Variants in RNF111 observed in about 807,000 individuals in gnomAD.
RNF111 encodes ring finger protein 111.
A neutral mutation model predicts 95.1 loss-of-function variants in RNF111; 17 were observed. The ratio of observed to expected loss-of-function variants is 0.18; its 90% CI spans 0.12 to 0.27. The LOEUF (loss-of-function observed/expected upper bound fraction) is 0.27, where lower values mean the gene tolerates loss of function less well. RNF111 is among the 10% of genes least tolerant of loss of function. The probability of loss-of-function intolerance (pLI) is 1.00; values close to 1 mark genes in which losing one functional copy is unlikely to be tolerated. For synonymous variants in RNF111, 440 were observed against 414.8 expected, an observed-to-expected ratio of 1.06 and a Z score of -0.74; for missense variants, 1,189 against 1,210.4, an observed-to-expected ratio of 0.98 and a Z score of 0.26.
chr15:58,998,066 G>C (rs1288533294), intron 1 of RNF111, among the ~76,000 whole-genome samples: 1 of 151,286 alleles, frequency 6.6e-6, no homozygotes, highest in African/African-American at 2.4e-5. Flanking sequence ...CACCACACCC[G>C]GCTAATTTTT....
chr15:59,084,343 A>C, intron 9 of RNF111, 89 bp downstream of exon 9: 3 of 1,285,238 alleles, frequency 2.3e-6, no homozygotes, highest in Non-Finnish European at 2.1e-6. Flanking sequence ...TGCTTTGCAG[A>C]AGGATGATGT....
chr15:59,034,086 A>T (rs1488478894), intron 2 of RNF111, among the ~76,000 whole-genome samples: 8 of 152,218 alleles, frequency 5.3e-5, no homozygotes, highest in African/African-American at 1.9e-4. Flanking sequence ...GTAGTTTCTT[A>T]TCTCCTTCAG....
intron 6 of RNF111, among the ~76,000 whole-genome samples, chr15:59,074,276 T>A (rs912875321): frequency 1.3e-5 from 2 of 152,214 alleles, no homozygotes; most frequent in African/African-American, 2.4e-5. Context: ...AATCATCCAG[T>A]CCTTGGAAAC....
At chr15:59,016,362 G>T (rs1350478277) in intron 1 of RNF111, among the ~76,000 whole-genome samples, 1 of 151,820 alleles carries the variant, frequency 6.6e-6, no homozygotes, top group Non-Finnish European at 1.5e-5. Flanking sequence ...TAGAGATGGG[G>T]TTTCACCATG....
In RNF111 at chr15:59,076,045, C is replaced by A; in HGVS notation, c.1778C>A (p.Pro593His). 1 of 1,614,222 alleles carries A rather than the reference C, an allele frequency of 6.2e-7. No homozygotes were observed. Among genetic ancestry groups the A allele is most frequent in the Middle Eastern group, 1.6e-4 (1 of 6,062 alleles). The change falls in exon 7 of 14, where the codon CCT (proline) becomes CAT (histidine). Residue 593 changes from proline (P) to histidine (H), a missense_variant. Transcript: ENST00000348370. ...HGASAFDPCCPVSSSRAAIFG... is the reference protein window; with the variant it reads ...HGASAFDPCCHVSSSRAAIFG... ...GCATCTGCATTTGACCCCTGCTGCC[C>A]TGTTTCTTCCTCCCGAGCTGCAATC...
At chr15:59,067,942 A>C (rs746810954) in intron 6 of RNF111, among the ~76,000 whole-genome samples, 7 of 152,250 alleles carry the variant, frequency 4.6e-5, no homozygotes, top group Non-Finnish European at 1.0e-4. Context: ...GCAAAAAATT[A>C]TAATTAAGTA....
chr15:59,082,448 G>A (rs1409054640), intron 8 of RNF111, among the ~76,000 whole-genome samples: 1 of 152,176 alleles, frequency 6.6e-6, no homozygotes. Flanking sequence ...AATTTTCAGT[G>A]AATGACAGTG....
At chr15:59,087,982 T>C (rs2078945464) in intron 10 of RNF111, among the ~76,000 whole-genome samples, 2 of 152,082 alleles carry the variant, frequency 1.3e-5, no homozygotes, top group African/African-American at 2.4e-5. Flanking sequence ...AGTGAAAACA[T>C]GGAGACAGTG....
At chr15:59,048,970 G>C (rs1358146993) in intron 2 of RNF111, among the ~76,000 whole-genome samples, 1 of 152,020 alleles carries the variant, frequency 6.6e-6, no homozygotes, top group Admixed American at 6.6e-5. Context: ...GTGTGGTGGT[G>C]TGCACCTGTA....
chr15:59,009,703 T>C (rs62002516), intron 1 of RNF111, among the ~76,000 whole-genome samples: 62,254 of 151,692 alleles, frequency 0.41, 14,002 homozygotes, highest in African/African-American at 0.6. Flanking sequence ...GCCTGTAATC[T>C]CAACACTTTG....
chr15:59,001,491 G>A (rs1235914938), intron 1 of RNF111, among the ~76,000 whole-genome samples: 1 of 152,026 alleles, frequency 6.6e-6, no homozygotes, highest in Non-Finnish European at 1.5e-5. Context: ...TGAAATAAAG[G>A]TCTTGTATAA....
Position 59,058,397 on chromosome 15 carries a change from C to G in RNF111, c.1213C>G (p.Gln405Glu), listed in dbSNP as rs763755554. The G allele has an allele frequency of 8.1e-6, 13 of 1,613,968 alleles. No individual in the cohort carries two copies. Among genetic ancestry groups the G allele is most frequent in the Middle Eastern group, 3.3e-4 (2 of 6,082 alleles). ...AACCACTTCTGCAAGAATGGAATCA[C>G]AAGCTACTAGCGCTTCCATTAACAA... ...VPTTSARMES[Q>E]ATSASINNSN... The change falls in exon 5 of 14, where the codon CAA (glutamine) becomes GAA (glutamate). Residue 405 changes from glutamine (Q) to glutamate (E), a missense_variant. Transcript: ENST00000348370.
At chr15:59,035,511 C>A (rs1202333270) in intron 2 of RNF111, among the ~76,000 whole-genome samples, 3 of 152,166 alleles carry the variant, frequency 2.0e-5, no homozygotes, top group African/African-American at 7.2e-5. Flanking sequence ...TTTCATTCCA[C>A]ATAACTTATG....
At chr15:59,049,328 T>G (rs2041860005) in intron 2 of RNF111, 1 of 152,572 alleles carries the variant, frequency 6.6e-6, no homozygotes, top group South Asian at 2.0e-4. Flanking sequence ...CCCTCAAGTT[T>G]TATTTTGTTT....
At chr15:59,073,730 T>G (rs1452211789) in intron 6 of RNF111, among the ~76,000 whole-genome samples, 2 of 152,232 alleles carry the variant, frequency 1.3e-5, no homozygotes, top group African/African-American at 4.8e-5. Context: ...CTGCCTTCCA[T>G]GAACCACAAA....
intron 9 of RNF111, 62 bp downstream of exon 9, chr15:59,084,316 G>T: frequency 1.4e-6 from 2 of 1,396,492 alleles, no homozygotes; most frequent in South Asian, 1.7e-5. Flanking sequence ...TATTGGAAGA[G>T]ATGCCTTGTG....
chr15:59,028,247 A>G (rs761329469), intron 1 of RNF111, among the ~76,000 whole-genome samples: 4 of 152,162 alleles, frequency 2.6e-5, no homozygotes, highest in Non-Finnish European at 5.9e-5. Flanking sequence ...ACATTATGTT[A>G]TCTTTTTGAC....
At position 59,092,443 on chromosome 15, in the gene RNF111, G is replaced by C. The variant is rs1470713991; in HGVS notation, c.2740-94G>C. ...AAAGTGCGGGTGAATATGTGGTTTT[G>C]TTTTGTTTTGTTTTTCAAATAAACA... On this transcript the variant is annotated intron_variant, in intron 12 of 13. Transcript: ENST00000348370. 2.9e-6 allele frequency: 4 copies of C among 1,361,940 alleles called. No individual in the cohort carries two copies. In the African/African-American group the frequency reaches 4.5e-5, roughly 15 times the overall value. The allele number at this position is 1,361,940 out of a possible 1,614,324, so 84.4% of individuals were successfully genotyped here.
Position 59,041,488 on chromosome 15 carries a change from G to A in RNF111, c.880+9786G>A, listed in dbSNP as rs529583035. ...GAACTGCTTGAACCCAGGAGGCGGAGGTTGCAGTGAGCCGAGATCTAGAGA... is the reference window on the plus strand; with the variant it reads ...GAACTGCTTGAACCCAGGAGGCGGAAGTTGCAGTGAGCCGAGATCTAGAGA... On this transcript the variant is annotated intron_variant, in intron 2 of 13. Coordinates refer to ENST00000348370, the MANE Select transcript of RNF111 (RefSeq NM_017610.8). 2.6e-5 allele frequency among the ~76,000 whole-genome samples: 4 copies of A among 152,238 alleles called. No homozygotes were observed. The East Asian group carries it at 7.7e-4, about 29-fold the overall frequency.
Sources: allele counts gnomAD v4.1 joint callset (sites outside exome capture counted in the v4.1 genomes callset), GRCh38; gene constraint gnomAD v4.1.1; transcripts MANE v1.5; gene names NCBI Gene and HGNC (gene_info 2026-07-23, HGNC 2026-07-21).